C9orf78: variants seen among roughly 807,000 people sequenced by gnomAD.
C9orf78 encodes splicing factor C9orf78.
Under a neutral mutation model 37.4 loss-of-function variants are expected in C9orf78, and 19 were observed. The observed-to-expected ratio is 0.51, with a 90% CI of 0.35 to 0.74. The LOEUF (loss-of-function observed/expected upper bound fraction) is 0.74, where lower values mean the gene tolerates loss of function less well. Ranked by LOEUF, C9orf78 falls within the 30% of genes least tolerant of loss-of-function variation. C9orf78 has a pLI of 0.01. For missense variants in C9orf78, 291 were observed against 370.8 expected (o/e 0.78, Z 1.77); for synonymous variants, 130 against 128.0 (o/e 1.02, Z -0.10).
chr9:129,828,462 T>C (rs1453213340), intron 8 of C9orf78: 1 of 399,978 alleles, frequency 2.5e-6, no homozygotes, highest in Non-Finnish European at 4.7e-6. Flanking sequence ...CTCACCCTGT[T>C]GCCCAGGCTA....
rs975874770 is a variant in C9orf78, at chr9:129,832,168, T to G, written c.267-195A>C. 8.5e-5 allele frequency among the ~76,000 whole-genome samples: 13 copies of G among 152,218 alleles called. No individual in the cohort carries two copies. In the East Asian group the frequency reaches 2.5e-3, roughly 29 times the overall value. Reference sequence around the variant, plus strand: ...ATGCAAGCAAACTGTTGGCTGCTAGTGATACCTCCAAGGATTGAGTGGATA... The same window carrying G: ...ATGCAAGCAAACTGTTGGCTGCTAGGGATACCTCCAAGGATTGAGTGGATA... On this transcript the variant is annotated intron_variant, in intron 4 of 8. Transcript: ENST00000372447.
Position 129,834,704 on chromosome 9 carries a change from C to T in C9orf78, c.143+3G>A. The T allele has an allele frequency of 6.2e-7, 1 of 1,608,834 alleles. No homozygotes were observed. The highest frequency in any genetic ancestry group is 8.5e-7 in the Non-Finnish European group (1 of 1,175,856). Reference sequence around the variant, plus strand: ...CTCCTCCTCCTCCCCGCGTGGTACCCACCTCACCCCGTTGGGCCTCTTCCT... The same window carrying T: ...CTCCTCCTCCTCCCCGCGTGGTACCTACCTCACCCCGTTGGGCCTCTTCCT... On this transcript the variant is annotated splice_donor_region_variant and intron_variant, in intron 2 of 8. Transcript: ENST00000372447.
At position 129,827,655 on chromosome 9, in the gene C9orf78, G is replaced by C. The variant is rs552519569; in HGVS notation, c.*506C>G. On this transcript the variant is annotated 3_prime_UTR_variant, in exon 9 of 9. Coordinates refer to ENST00000372447, the MANE Select transcript of C9orf78 (RefSeq NM_016520.3). ...CAAATGGAAAATTACACATTATTTT[G>C]TTTCAAAAAGTTATAAATTTAGTGC... 1.3e-5 allele frequency: 2 copies of C among 152,176 alleles called. No individual in the cohort carries two copies. Among genetic ancestry groups the C allele is most frequent in the Non-Finnish European group, 2.9e-5 (2 of 68,058 alleles). 9.4% of individuals were successfully genotyped at this position (152,176 alleles called of 1,614,324 possible).
chr9:129,831,980 G>A lies in C9orf78; in HGVS notation c.267-7C>T. ...GTCCTCCTCCTCACTGATCCTGGAG[G>A]GAGAGAACAATGAGGCAGAGCTTTC... On this transcript the variant is annotated splice_polypyrimidine_tract_variant and splice_region_variant and intron_variant, in intron 4 of 8. Transcript: ENST00000372447. 14 of 1,444,642 alleles carry A rather than the reference G, an allele frequency of 9.7e-6. No individual in the cohort carries two copies. Among genetic ancestry groups the A allele is most frequent in the Non-Finnish European group, 1.4e-5 (14 of 1,025,502 alleles). The allele number at this position is 1,444,642 out of a possible 1,614,324, so 89.5% of individuals were successfully genotyped here. A position where few individuals can be genotyped will look rare whatever the true frequency, so the allele number is the denominator to read the frequency against.
In C9orf78 at chr9:129,828,151, T is replaced by G. The variant is rs755021398; in HGVS notation, c.*10A>C. 6.7e-7 allele frequency: 1 copy of G among 1,486,344 alleles called. No homozygotes were observed. The highest frequency in any genetic ancestry group is 2.3e-5 in the East Asian group (1 of 43,836). 92.1% of individuals were successfully genotyped at this position (1,486,344 alleles called of 1,614,324 possible). On this transcript the variant is annotated 3_prime_UTR_variant, in exon 9 of 9. Coordinates refer to ENST00000372447, the MANE Select transcript of C9orf78 (RefSeq NM_016520.3). ...GAGGAAGGCGATATTTACATCCCAC[T>G]CTGCACAACTCAGTACCGCCTATTC...
chr9:129,833,614 A>C (rs764657416), intron 3 of C9orf78, 44 bp downstream of exon 3: 1 of 1,498,710 alleles, frequency 6.7e-7, no homozygotes, highest in Admixed American at 1.7e-5. Context: ...AGAGCACTGC[A>C]GGGAGGGCTG....
In C9orf78 at chr9:129,835,271, A is replaced by T. The variant is rs1348217259; in HGVS notation, c.-50T>A. 2 of 1,389,568 alleles carry T rather than the reference A, an allele frequency of 1.4e-6. No homozygotes were observed. Among genetic ancestry groups the T allele is most frequent in the Non-Finnish European group, 2.0e-6 (2 of 1,004,376 alleles). The allele number at this position is 1,389,568 out of a possible 1,614,324, so 86.1% of individuals were successfully genotyped here. ...CCGCCGCGCCTCTGCGCAGCGGCCC[A>T]GGCTGCTTCCGGCGCGCGGCAGAGC... On this transcript the variant is annotated 5_prime_UTR_variant, in exon 1 of 9. Transcript: ENST00000372447.
intron 6 of C9orf78, 32 bp from the exon 7 acceptor site, chr9:129,829,573 A>T: frequency 1.2e-6 from 2 of 1,602,698 alleles, no homozygotes; most frequent in East Asian, 2.2e-5. Flanking sequence ...ACCACTTAGA[A>T]GATGATAGCA....
intron 6 of C9orf78, chr9:129,830,664 A>C (rs1484691015): frequency 3.8e-6 from 2 of 521,860 alleles, no homozygotes; most frequent in African/African-American, 3.9e-5. Flanking sequence ...GGTGCCTGCC[A>C]CCATGCCCAG....
chr9:129,830,472 T>G lies in C9orf78; in HGVS notation c.542+399A>C, dbSNP rs1214148672. 5 of 212,076 alleles carry G rather than the reference T, an allele frequency of 2.4e-5. No individual in the cohort carries two copies. The East Asian group carries it at 5.8e-4, about 24-fold the overall frequency. 13.1% of individuals were successfully genotyped at this position (212,076 alleles called of 1,614,324 possible). A position where few individuals can be genotyped will look rare whatever the true frequency, so the allele number is the denominator to read the frequency against. ...CTTGGCCTCCCAAGTACTGGGATTA[T>G]AGGCTTATAGGCATCAGCCACCATA... On this transcript the variant is annotated intron_variant, in intron 6 of 8. Coordinates refer to ENST00000372447, the MANE Select transcript of C9orf78 (RefSeq NM_016520.3).
At chr9:129,832,814 G>A (rs984765081) in intron 4 of C9orf78, among the ~76,000 whole-genome samples, 2 of 151,874 alleles carry the variant, frequency 1.3e-5, no homozygotes, top group African/African-American at 4.8e-5. Context: ...TTTTGAGACA[G>A]GGTCTTTCTC....
In C9orf78 at chr9:129,827,994, T is replaced by C. The variant is rs1396213214; in HGVS notation, c.*167A>G. ...TTTCAGTAGAGACTGGGTTTCTCCA[T>C]GTTGGTCAGGCTGGTCTCAAACTCC... On this transcript the variant is annotated 3_prime_UTR_variant, in exon 9 of 9. Coordinates refer to ENST00000372447, the MANE Select transcript of C9orf78 (RefSeq NM_016520.3). The C allele has an allele frequency of 2.3e-6, 1 of 440,114 alleles. No individual in the cohort carries two copies. The highest frequency in any genetic ancestry group is 4.5e-6 in the Non-Finnish European group (1 of 223,490). 27.3% of individuals were successfully genotyped at this position (440,114 alleles called of 1,614,324 possible).
rs1330447741 is a variant in C9orf78 at position 129,829,509 on chromosome 9, TC to T, written c.574del (p.Asp192MetfsTer28). 6.2e-7 allele frequency: 1 copy of T among 1,614,006 alleles called. No homozygotes were observed. Among genetic ancestry groups the T allele is most frequent in the Non-Finnish European group, 8.5e-7 (1 of 1,179,910 alleles). Reference sequence around the variant, plus strand: ...CTCTGCCAGCAGACGGGCCTTGGCATCCTCCGTGGAAATGATATTTTTTATT... The same window carrying T: ...CTCTGCCAGCAGACGGGCCTTGGCATCTCCGTGGAAATGATATTTTTTATT... ...AKIKNIISTE[D>X]AKARLLAEQQ... On this transcript the variant is annotated frameshift_variant, in exon 7 of 9. Coordinates refer to ENST00000372447, the MANE Select transcript of C9orf78 (RefSeq NM_016520.3). LOFTEE classifies it high-confidence loss of function.
rs901866448 is a variant in C9orf78, at chr9:129,828,403, G to A, written c.779-151C>T. On this transcript the variant is annotated intron_variant, in intron 8 of 8. Coordinates refer to ENST00000372447, the MANE Select transcript of C9orf78 (RefSeq NM_016520.3). ...AACACAGTAGGGCCTCAGTAGATAC[G>A]TATTTGTCTTTTTTTTTTTCTTTTC... is the stretch of plus-strand genomic sequence containing the variant. The A allele has an allele frequency of 1.2e-5, 6 of 481,896 alleles. No individual in the cohort carries two copies. The African/African-American group carries it at 1.8e-4, about 14-fold the overall frequency. 29.9% of individuals were successfully genotyped at this position (481,896 alleles called of 1,614,324 possible).
chr9:129,833,067 A>ATGTGTGTGTGTG (rs3054828), intron 4 of C9orf78, among the ~76,000 whole-genome samples: 18 of 139,888 alleles, frequency 1.3e-4, no homozygotes, highest in Non-Finnish European at 2.3e-4. Flanking sequence ...GTGTGTACAT[A>ATGTGTGTGTGTG]TGTGTGTGTG....
chr9:129,834,016 T>C, intron 2 of C9orf78: 1 of 361,316 alleles, frequency 2.8e-6, no homozygotes, highest in African/African-American at 2.1e-5. Flanking sequence ...AAAGTGCAGC[T>C]AAAGATAAAT....
Position 129,829,229 on chromosome 9 carries a change from C to T in C9orf78, c.754G>A (p.Asp252Asn). 6.2e-7 allele frequency: 1 copy of T among 1,613,724 alleles called. No individual in the cohort carries two copies. The highest frequency in any genetic ancestry group is 8.5e-7 in the Non-Finnish European group (1 of 1,179,686). Residue 252 changes from aspartate (D) to asparagine (N), a missense_variant, in exon 8 of 9, where the codon GAC becomes AAC. Around this residue, in one of 3 missense-constraint regions of C9orf78, gnomAD observed 120 missense variants for 148.7 expected, o/e 0.81. Coordinates refer to ENST00000372447, the MANE Select transcript of C9orf78 (RefSeq NM_016520.3). ...CGCTCAGGCTCTGGCTTCTCCGTGTCACCTACTCTCAAGGGCCGGGCCTTG... is the reference window on the plus strand; with the variant it reads ...CGCTCAGGCTCTGGCTTCTCCGTGTTACCTACTCTCAAGGGCCGGGCCTTG... ...EPKARPLRVG[D>N]TEKPEPERSP...
intron 6 of C9orf78, chr9:129,830,257 C>CTT (rs34247677): frequency 0.23 from 32,900 of 140,162 alleles, 3,822 homozygotes; most frequent in South Asian, 0.26. Flanking sequence ...CATGTCTGGC[C>CTT]TTTTTTTTTT....
chr9:129,830,700 C>CG, intron 6 of C9orf78, 171 bp downstream of exon 6: 1 of 584,310 alleles, frequency 1.7e-6, no homozygotes, highest in Non-Finnish European at 3.1e-6. Context: ...TTAGTAGAGA[C>CG]GGGGTTCGAC....
Sources: gnomAD v4.1 joint callset for allele counts (sites outside exome capture counted in the v4.1 genomes callset) on GRCh38, gnomAD v4.1.1 for gene constraint, gnomAD v4.1.1 regional missense constraint, MANE v1.5 for transcripts, NCBI Gene and HGNC (gene_info 2026-07-23, HGNC 2026-07-21) for gene names.